The following CCSER1 variants were observed in gnomAD, a reference collection of about 807,000 sequenced individuals.
CCSER1 encodes serine-rich coiled-coil domain-containing protein 1.
In CCSER1, 41 loss-of-function variants were observed where a neutral mutation model predicts 82.0. The ratio of observed to expected loss-of-function variants is 0.50; its 90% CI spans 0.39 to 0.65. The LOEUF is 0.65. CCSER1 is among the 30% of genes least tolerant of loss of function. The probability of loss-of-function intolerance (pLI) is 0.00; values close to 1 mark genes in which losing one functional copy is unlikely to be tolerated. For synonymous variants in CCSER1, 414 were observed against 383.9 expected (o/e 1.08, Z -0.92); for missense variants, 1,119 against 1,064.2 (o/e 1.05, Z -0.72).
At chr4:90,722,205 C>T (rs918075298) in intron 6 of CCSER1, among the ~76,000 whole-genome samples, 1 of 151,682 alleles carries the variant, frequency 6.6e-6, no homozygotes, top group Non-Finnish European at 1.5e-5. Context: ...ATCTATGTCT[C>T]CTAAATATAT....
chr4:90,278,668 C>A (rs1308360504), intron 1 of CCSER1, among the ~76,000 whole-genome samples: 3 of 151,370 alleles, frequency 2.0e-5, no homozygotes, highest in Admixed American at 1.3e-4. Context: ...ACATTGAGGA[C>A]CACTAGAAAA....
intron 10 of CCSER1, among the ~76,000 whole-genome samples, chr4:91,109,190 T>C (rs1363206651): frequency 6.6e-6 from 1 of 152,156 alleles, no homozygotes; most frequent in African/African-American, 2.4e-5. Context: ...TGAGCCATAC[T>C]ATTGGCTTCC....
intron 5 of CCSER1, among the ~76,000 whole-genome samples, chr4:90,493,877 C>G (rs1189201989): frequency 3.9e-5 from 6 of 152,144 alleles, no homozygotes; most frequent in South Asian, 2.1e-4. Flanking sequence ...AAATAATCCG[C>G]TAACATCATA....
intron 10 of CCSER1, among the ~76,000 whole-genome samples, chr4:91,481,390 A>T (rs537845560): frequency 1.3e-5 from 2 of 152,002 alleles, no homozygotes; most frequent in Non-Finnish European, 2.9e-5. Context: ...GTAGTTGCGC[A>T]TACTTAGTGA....
In CCSER1 at chr4:91,080,702, C is replaced by T. The variant is rs182948666; in HGVS notation, c.2173-5248C>T. On this transcript the variant is annotated intron_variant, in intron 9 of 10. Transcript: ENST00000509176. ...AATATGGAAGAAAAAAGAGAAGAAT[C>T]AAATAGATACAATAAAAAATGATAA... Among the ~76,000 whole-genome samples, 1,177 of 152,110 alleles carry T rather than the reference C, an allele frequency of 7.7e-3. 11 individuals are homozygous for T. Among genetic ancestry groups the T allele is most frequent in the African/African-American group, 0.026 (1,089 of 41,484 alleles).
chr4:91,521,486 A>G (rs1450822648), intron 10 of CCSER1, among the ~76,000 whole-genome samples: 2 of 152,054 alleles, frequency 1.3e-5, no homozygotes, highest in African/African-American at 4.8e-5. Context: ...ACTAATTTAC[A>G]CTCCCACCAA....
intron 8 of CCSER1, among the ~76,000 whole-genome samples, chr4:90,838,571 G>A (rs1762111363): frequency 6.7e-6 from 1 of 148,908 alleles, no homozygotes; most frequent in Admixed American, 6.7e-5. Flanking sequence ...AAAAAAAAAT[G>A]GCACTCTGAT....
intron 3 of CCSER1, among the ~76,000 whole-genome samples, chr4:90,333,233 A>C (rs571975277): frequency 6.6e-6 from 1 of 152,302 alleles, no homozygotes; most frequent in South Asian, 2.1e-4. Context: ...TCTCTGTGGA[A>C]AGGGACACAG....
At position 91,603,477 on chromosome 4, in the gene CCSER1, A is replaced by T. The variant is rs1183538592; in HGVS notation, c.*4420A>T. The T allele has an allele frequency of 2.6e-5, 4 of 152,116 alleles. No individual in the cohort carries two copies. The highest frequency in any genetic ancestry group is 2.6e-4 in the Admixed American group (4 of 15,232). 9.4% of individuals were successfully genotyped at this position (152,116 alleles called of 1,614,324 possible). ...GTTCACTCTGTTTAAGATGTGGAGA[A>T]TTTCCTACAAATAGTTAAGGTGAAA... On this transcript the variant is annotated 3_prime_UTR_variant, in exon 11 of 11. Transcript: ENST00000509176.
chr4:90,532,656 A>C (rs866943402), intron 5 of CCSER1, among the ~76,000 whole-genome samples: 2 of 152,142 alleles, frequency 1.3e-5, no homozygotes, highest in Non-Finnish European at 2.9e-5. Context: ...GTTTCTAGAT[A>C]TGTTATTCTG....
At chr4:90,173,422 A>G (rs888455999) in intron 1 of CCSER1, among the ~76,000 whole-genome samples, 1 of 151,870 alleles carries the variant, frequency 6.6e-6, no homozygotes, top group Admixed American at 6.6e-5. Flanking sequence ...ATGACCAGAC[A>G]GTATCAAGGT....
chr4:90,380,081 C>T (rs1748981341), intron 3 of CCSER1, among the ~76,000 whole-genome samples: 1 of 152,144 alleles, frequency 6.6e-6, no homozygotes, highest in Non-Finnish European at 1.5e-5. Flanking sequence ...TACCTCCTAT[C>T]AGACCCTACC....
chr4:90,494,313 A>ACTTAAAG (rs1768618872), intron 5 of CCSER1, among the ~76,000 whole-genome samples: 3 of 152,268 alleles, frequency 2.0e-5, no homozygotes, highest in African/African-American at 7.2e-5. Flanking sequence ...CACAATAATA[A>ACTTAAAG]TGGGAGACTT....
At position 90,309,220 on chromosome 4, in the gene CCSER1, A is replaced by T. The variant is rs369314240; in HGVS notation, c.936A>T (p.Gly312=). 39 of 1,613,828 alleles carry T rather than the reference A, an allele frequency of 2.4e-5. No homozygotes were observed. The African/African-American group carries it at 5.1e-4, about 21-fold the overall frequency. ...AVTKTTTELT[G]TVPCAIMSPG... ...CAAAGACAACAACAGAACTTACGGG[A>T]ACTGTTCCCTGTGCAATTATGTCTC... Residue 312 remains glycine, a synonymous_variant, in exon 2 of 11, where the codon GGA becomes GGT. Coordinates refer to ENST00000509176, the MANE Select transcript of CCSER1 (RefSeq NM_001145065.2).
At chr4:91,559,554 G>A (rs1250838827) in intron 10 of CCSER1, among the ~76,000 whole-genome samples, 2 of 151,352 alleles carry the variant, frequency 1.3e-5, no homozygotes, top group African/African-American at 2.4e-5. Context: ...TTGAATCCAG[G>A]GGAGTAGGGA....
At chr4:90,373,506 G>A (rs1172491788) in intron 3 of CCSER1, among the ~76,000 whole-genome samples, 1 of 152,120 alleles carries the variant, frequency 6.6e-6, no homozygotes, top group Non-Finnish European at 1.5e-5. Context: ...TGCACTCCTT[G>A]AAAGTACAGT....
chr4:91,465,275 A>T (rs1187497726), intron 10 of CCSER1, among the ~76,000 whole-genome samples: 2 of 152,212 alleles, frequency 1.3e-5, no homozygotes, highest in Non-Finnish European at 2.9e-5. Flanking sequence ...TAACGAAATG[A>T]AGTCAGAAAT....
chr4:90,613,798 T>C (rs1720700869), intron 5 of CCSER1, among the ~76,000 whole-genome samples: 1 of 152,064 alleles, frequency 6.6e-6, no homozygotes. Context: ...AAACAGACAT[T>C]CACATGGAAA....
intron 8 of CCSER1, among the ~76,000 whole-genome samples, chr4:90,856,830 A>G (rs1764515417): frequency 6.6e-6 from 1 of 152,126 alleles, no homozygotes. Context: ...ATAAAATGCC[A>G]TAATATTTTA....
Sources: gnomAD v4.1 joint callset for allele counts (sites outside exome capture counted in the v4.1 genomes callset) on GRCh38, gnomAD v4.1.1 for gene constraint, MANE v1.5 for transcripts, NCBI Gene and HGNC (gene_info 2026-07-23, HGNC 2026-07-21) for gene names.